GPM6A: variants seen among roughly 807,000 people sequenced by gnomAD.
GPM6A encodes glycoprotein M6A, also known as neuronal membrane glycoprotein M6-a.
A neutral mutation model predicts 32.1 loss-of-function variants in GPM6A; 7 were observed. That is an observed-to-expected ratio of 0.22 (90% CI 0.12 to 0.41). The LOEUF is 0.41. Among genes scored for constraint, GPM6A ranks in the 10% least tolerant of loss-of-function variants. The probability of loss-of-function intolerance (pLI) is 1.00; values close to 1 mark genes in which losing one functional copy is unlikely to be tolerated. For missense variants in GPM6A, 235 were observed against 347.2 expected (o/e 0.68, Z 2.57); for synonymous variants, 130 against 123.4 (o/e 1.05, Z -0.35).
At position 175,922,114 on chromosome 4, in the gene GPM6A, G is replaced by A. The variant is rs534300276; in HGVS notation, c.-23+80195C>T. Among the ~76,000 whole-genome samples, 4 of 152,244 alleles carry A rather than the reference G, an allele frequency of 2.6e-5. No individual in the cohort carries two copies. In the East Asian group the frequency reaches 7.7e-4, roughly 29 times the overall value. ...GGGGTAAAATATGCTTATGTAAAAT[G>A]GAGCTTCTAATACATCAGGATTAAT... On this transcript the variant is annotated intron_variant, in intron 1 of 7. Coordinates refer to the GPM6A transcript ENST00000280187.
chr4:175,651,897 T>C lies in GPM6A; in HGVS notation c.478A>G (p.Thr160Ala). Residue 160 changes from threonine (T) to alanine (A), a missense_variant, in exon 4 of 7, where the codon ACC (threonine) becomes GCC (alanine). Thr to Ala is a moderately conservative substitution (Grantham distance 58, BLOSUM62 0). Transcript: ENST00000393658. ...LPVYMYFNLW[T>A]ICRNTTLVEG... ...ACTAATGTGGTGTTCCGGCAGATGG[T>C]CCACAGATTGAAGTACATGTAAACT... The C allele has an allele frequency of 6.2e-7, 1 of 1,613,324 alleles. No individual in the cohort carries two copies. Among genetic ancestry groups the C allele is most frequent in the Non-Finnish European group, 8.5e-7 (1 of 1,179,530 alleles).
chr4:175,860,345 T>C (rs978911629), intron 1 of GPM6A, among the ~76,000 whole-genome samples: 1 of 151,886 alleles, frequency 6.6e-6, no homozygotes, highest in African/African-American at 2.4e-5. Flanking sequence ...AAATTACCAA[T>C]ATTAGAAATT....
intron 1 of GPM6A, among the ~76,000 whole-genome samples, chr4:175,991,920 T>A (rs934297881): frequency 1.3e-5 from 2 of 152,128 alleles, no homozygotes; most frequent in Non-Finnish European, 2.9e-5. Flanking sequence ...TGATTCCTTT[T>A]AAATGAATCA....
At chr4:175,761,073 A>G (rs2111209007) in intron 1 of GPM6A, among the ~76,000 whole-genome samples, 1 of 152,258 alleles carries the variant, frequency 6.6e-6, no homozygotes, top group Non-Finnish European at 1.5e-5. Flanking sequence ...TATCACTTTG[A>G]GAAGCAATGA....
Position 175,697,188 on chromosome 4 carries a change from T to C in GPM6A, c.230+4387A>G, listed in dbSNP as rs544246990. Among the ~76,000 whole-genome samples the C allele has an allele frequency of 7.2e-5, 11 of 152,256 alleles. No homozygotes were observed. In the South Asian group the frequency reaches 2.3e-3, roughly 32 times the overall value. ...CTTGCCCAGTCCTTTGGAGAGCTAT[T>C]CAAAAAGCCAAGTCACTTAGCAAAA... On this transcript the variant is annotated intron_variant, in intron 2 of 6. Transcript: ENST00000393658.
At chr4:175,714,250 C>T (rs577939681) in intron 1 of GPM6A, among the ~76,000 whole-genome samples, 83 of 152,124 alleles carry the variant, frequency 5.5e-4, no homozygotes, top group Admixed American at 2.3e-3. Flanking sequence ...CATGTTAATA[C>T]AAAGATAAGG....
chr4:175,828,253 G>C (rs1735497925), intron 1 of GPM6A, among the ~76,000 whole-genome samples: 2 of 152,034 alleles, frequency 1.3e-5, no homozygotes, highest in African/African-American at 2.4e-5. Flanking sequence ...TATTAGTCAG[G>C]GTAGAAGGCA....
chr4:175,721,060 G>GTATA (rs965400168), intron 1 of GPM6A, among the ~76,000 whole-genome samples: 1 of 136,176 alleles, frequency 7.3e-6, no homozygotes, highest in Non-Finnish European at 1.6e-5. Flanking sequence ...ATATGTACTA[G>GTATA]TATATATATA....
chr4:175,995,829 C>T (rs1741291669), intron 1 of GPM6A, among the ~76,000 whole-genome samples: 1 of 152,128 alleles, frequency 6.6e-6, no homozygotes, highest in South Asian at 2.1e-4. Flanking sequence ...ATATCTTAAA[C>T]TGAAAAAGAA....
At chr4:175,926,756 G>A (rs1024481934) in intron 1 of GPM6A, among the ~76,000 whole-genome samples, 1 of 152,086 alleles carries the variant, frequency 6.6e-6, no homozygotes. Context: ...TGTAGAAAGT[G>A]ATTATTGACA....
At chr4:175,935,402 T>C (rs913229166) in intron 1 of GPM6A, among the ~76,000 whole-genome samples, 5 of 152,166 alleles carry the variant, frequency 3.3e-5, no homozygotes, top group Admixed American at 2.0e-4. Context: ...GTACAGACTG[T>C]CAATGTCCAA....
rs368922879 is a variant in GPM6A at position 175,967,201 on chromosome 4, C to T, written c.-23+35108G>A. Among the ~76,000 whole-genome samples, 7 of 152,216 alleles carry T rather than the reference C, an allele frequency of 4.6e-5. No homozygotes were observed. The South Asian group carries it at 1.0e-3, about 23-fold the overall frequency. ...TCACAAAGCCAAAGAATAAAAATCA[C>T]GATTATGACAACAGATGCAGAATAA... On this transcript the variant is annotated intron_variant, in intron 1 of 7. Transcript: ENST00000280187.
chr4:175,979,371 T>C (rs1173268263), intron 1 of GPM6A, among the ~76,000 whole-genome samples: 4 of 152,234 alleles, frequency 2.6e-5, no homozygotes, highest in Non-Finnish European at 4.4e-5. Context: ...ATTCCGTTCT[T>C]AAGTTCAGCA....
Position 175,637,859 on chromosome 4 carries a change from A to C in GPM6A, c.684+2270T>G, listed in dbSNP as rs528841809. 9.1e-3 allele frequency among the ~76,000 whole-genome samples: 1,114 copies of C among 122,252 alleles called. 21 individuals are homozygous for C. Among genetic ancestry groups the C allele is most frequent in the African/African-American group, 0.035 (1,057 of 30,250 alleles). The allele number at this position is 122,252 out of a possible 152,430, so 80.2% of individuals were successfully genotyped here. A position where few individuals can be genotyped will look rare whatever the true frequency, so the allele number is the denominator to read the frequency against. On this transcript the variant is annotated intron_variant, in intron 6 of 6. Transcript: ENST00000393658. Reference sequence around the variant, plus strand: ...TATAATATATAATATAAAATATATAATCTATTTATATATAATATTTATATA... The same window carrying C: ...TATAATATATAATATAAAATATATACTCTATTTATATATAATATTTATATA...
At chr4:175,792,701 A>G (rs1274046057) in intron 1 of GPM6A, among the ~76,000 whole-genome samples, 1 of 152,240 alleles carries the variant, frequency 6.6e-6, no homozygotes, top group Non-Finnish European at 1.5e-5. Context: ...TTTGGAATTT[A>G]ACTTATAATT....
chr4:175,922,185 TACCTGACACATGTTAG>T (rs1422763453), intron 1 of GPM6A, among the ~76,000 whole-genome samples: 1 of 152,198 alleles, frequency 6.6e-6, no homozygotes, highest in African/African-American at 2.4e-5. Context: ...TAATGTGAAA[TACCTGACACATGTTAG>T]ACCCTCAATT....
At chr4:175,855,846 C>T (rs1485677733) in intron 1 of GPM6A, among the ~76,000 whole-genome samples, 4 of 152,128 alleles carry the variant, frequency 2.6e-5, no homozygotes, top group Admixed American at 6.5e-5. Flanking sequence ...TTAATATACA[C>T]ATATATATTT....
At chr4:175,995,964 T>G (rs181879714) in intron 1 of GPM6A, among the ~76,000 whole-genome samples, 1 of 147,134 alleles carries the variant, frequency 6.8e-6, no homozygotes, top group Non-Finnish European at 1.5e-5. Flanking sequence ...ATAGCATGGA[T>G]AGTGAGCATT....
chr4:175,848,065 G>A (rs989838938), intron 1 of GPM6A, among the ~76,000 whole-genome samples: 3 of 152,060 alleles, frequency 2.0e-5, no homozygotes, highest in Non-Finnish European at 4.4e-5. Flanking sequence ...ATTTCTCTTT[G>A]CCTACCCTTA....
Sources: allele counts gnomAD v4.1 joint callset (sites outside exome capture counted in the v4.1 genomes callset), GRCh38; gene constraint gnomAD v4.1.1; transcripts MANE v1.5; gene names NCBI Gene and HGNC (gene_info 2026-07-23, HGNC 2026-07-21).